ZRANB3: variants seen among roughly 807,000 people sequenced by gnomAD.
ZRANB3 encodes the protein zinc finger RANBP2-type containing 3.
In ZRANB3, 125 loss-of-function variants were observed where a neutral mutation model predicts 133.8. The ratio of observed to expected loss-of-function variants is 0.93; its 90% CI spans 0.81 to 1.08. The LOEUF is 1.08. Among genes scored for constraint, ZRANB3 ranks in the 50% least tolerant of loss-of-function variants. The pLI is 0.00. For missense variants in ZRANB3, 1,229 were observed against 1,275.5 expected (o/e 0.96, Z 0.56); for synonymous variants, 387 against 432.7 (o/e 0.89, Z 1.31).
chr2:135,481,124 A>G (rs1439839041), intron 2 of ZRANB3, among the ~76,000 whole-genome samples: 2 of 151,844 alleles, frequency 1.3e-5, no homozygotes, highest in African/African-American at 4.8e-5. Flanking sequence ...CTTTGGGTAT[A>G]TACCCAGTAA....
chr2:135,336,162 G>A lies in ZRANB3; in HGVS notation c.677+9388C>T, dbSNP rs920911769. 6.6e-5 allele frequency among the ~76,000 whole-genome samples: 10 copies of A among 152,288 alleles called. No homozygotes were observed. In the South Asian group the frequency reaches 2.1e-3, roughly 32 times the overall value. On this transcript the variant is annotated intron_variant, in intron 6 of 20. Transcript: ENST00000264159. Reference sequence around the variant, plus strand: ...GATGTTCTGGTTGAGTAATACTTCTGCTGTCTGTCTCAAGTCAAACCAGGT... The same window carrying A: ...GATGTTCTGGTTGAGTAATACTTCTACTGTCTGTCTCAAGTCAAACCAGGT...
intron 2 of ZRANB3, among the ~76,000 whole-genome samples, chr2:135,406,572 A>G (rs1688043863): frequency 6.6e-6 from 1 of 152,242 alleles, no homozygotes; most frequent in Non-Finnish European, 1.5e-5. Flanking sequence ...AAAATCCTCA[A>G]TAAAATACTG....
intron 1 of ZRANB3, chr2:135,511,791 T>C (rs771029424): frequency 2.7e-4 from 205 of 761,888 alleles, no homozygotes; most frequent in Non-Finnish European, 4.3e-4. Flanking sequence ...CTGCATCTGC[T>C]AGCTTTCTAT....
At chr2:135,281,898 T>C (rs1681115999) in intron 8 of ZRANB3, among the ~76,000 whole-genome samples, 1 of 152,182 alleles carries the variant, frequency 6.6e-6, no homozygotes, top group Non-Finnish European at 1.5e-5. Context: ...AAACATTAAT[T>C]AACTTTCTGT....
intron 3 of ZRANB3, among the ~76,000 whole-genome samples, chr2:135,359,188 GT>G (rs927277697): frequency 2.0e-4 from 30 of 152,136 alleles, no homozygotes; most frequent in African/African-American, 6.7e-4. Context: ...TTCAATATAC[GT>G]TAATAAACTG....
intron 2 of ZRANB3, among the ~76,000 whole-genome samples, chr2:135,478,423 C>T (rs1691601096): frequency 1.3e-5 from 2 of 152,114 alleles, no homozygotes; most frequent in South Asian, 4.1e-4. Context: ...CCTTTCACAA[C>T]ACCGCCACCT....
At chr2:135,323,859 CT>C (rs889542228) in intron 6 of ZRANB3, among the ~76,000 whole-genome samples, 12 of 152,112 alleles carry the variant, frequency 7.9e-5, no homozygotes, top group African/African-American at 2.9e-4. Flanking sequence ...CCTCTGCCTC[CT>C]GGGTCCAAGT....
At chr2:135,495,245 GA>G (rs1692612677) in intron 2 of ZRANB3, among the ~76,000 whole-genome samples, 2 of 151,562 alleles carry the variant, frequency 1.3e-5, no homozygotes, top group South Asian at 4.2e-4. Flanking sequence ...ACAAAACTAA[GA>G]ATAAAAAAAA....
chr2:135,493,331 A>G (rs970515277), intron 2 of ZRANB3, among the ~76,000 whole-genome samples: 2 of 150,762 alleles, frequency 1.3e-5, no homozygotes, highest in Non-Finnish European at 3.0e-5. Flanking sequence ...TCTGTTCATT[A>G]GAATACTATA....
intron 15 of ZRANB3, among the ~76,000 whole-genome samples, chr2:135,222,142 C>T (rs751011556): frequency 5.3e-5 from 8 of 152,072 alleles, no homozygotes; most frequent in Non-Finnish European, 8.8e-5. Context: ...TGGTGGCTCA[C>T]GTTTGTAATC....
intron 14 of ZRANB3, among the ~76,000 whole-genome samples, chr2:135,226,700 G>C (rs1271019759): frequency 6.6e-6 from 1 of 152,210 alleles, no homozygotes; most frequent in Non-Finnish European, 1.5e-5. Context: ...TCATAGCCCA[G>C]GTGATGACAA....
chr2:135,355,464 C>T (rs906557671), intron 3 of ZRANB3, among the ~76,000 whole-genome samples: 2 of 151,940 alleles, frequency 1.3e-5, no homozygotes, highest in African/African-American at 4.8e-5. Context: ...CAGGTTCAAG[C>T]CATTATCCTG....
At chr2:135,278,210 A>ATTCT (rs1573816389) in intron 8 of ZRANB3, among the ~76,000 whole-genome samples, 1 of 152,174 alleles carries the variant, frequency 6.6e-6, no homozygotes, top group East Asian at 1.9e-4. Context: ...CAAAGAAATG[A>ATTCT]TTCTATAAGC....
chr2:135,211,565 C>A (rs1694096923), intron 17 of ZRANB3, among the ~76,000 whole-genome samples: 1 of 152,000 alleles, frequency 6.6e-6, no homozygotes, highest in East Asian at 1.9e-4. Context: ...CAAAAAGAAA[C>A]CCGTACCCAC....
At chr2:135,436,753 A>T (rs556689106) in intron 2 of ZRANB3, among the ~76,000 whole-genome samples, 10 of 152,298 alleles carry the variant, frequency 6.6e-5, no homozygotes, top group Admixed American at 1.3e-4. Flanking sequence ...CATAGAATTT[A>T]AAAAAACTAT....
intron 1 of ZRANB3, chr2:135,511,843 T>TA: frequency 1.3e-6 from 1 of 764,568 alleles, no homozygotes; most frequent in East Asian, 2.5e-5. Flanking sequence ...GTTCCTTCCA[T>TA]AAAATCTATG....
At chr2:135,503,230 T>C (rs1284663225) in intron 2 of ZRANB3, among the ~76,000 whole-genome samples, 1 of 152,192 alleles carries the variant, frequency 6.6e-6, no homozygotes, top group Non-Finnish European at 1.5e-5. Flanking sequence ...TATTTAAGTA[T>C]ATATGGGAAA....
chr2:135,499,984 G>A (rs755676303), intron 2 of ZRANB3, among the ~76,000 whole-genome samples: 1 of 152,106 alleles, frequency 6.6e-6, no homozygotes, highest in Non-Finnish European at 1.5e-5. Context: ...TTTGGACCCA[G>A]AGACATAAAC....
intron 2 of ZRANB3, among the ~76,000 whole-genome samples, chr2:135,405,531 C>T (rs1313813864): frequency 6.6e-6 from 1 of 152,180 alleles, no homozygotes; most frequent in African/African-American, 2.4e-5. Context: ...TTCTCAGCAC[C>T]ACAGCACACG....
Sources: gnomAD v4.1 joint callset for allele counts (sites outside exome capture counted in the v4.1 genomes callset) on GRCh38, gnomAD v4.1.1 for gene constraint, MANE v1.5 for transcripts, NCBI Gene and HGNC (gene_info 2026-07-23, HGNC 2026-07-21) for gene names.